The following PGK1 variants were observed in gnomAD, a reference collection of about 807,000 sequenced individuals.
PGK1 encodes phosphoglycerate kinase 1, also known as PRP 2.
In PGK1, 3 loss-of-function variants were observed where a neutral mutation model predicts 26.9. The observed-to-expected ratio is 0.11, with a 90% CI of 0.05 to 0.29. The LOEUF (loss-of-function observed/expected upper bound fraction) is 0.29, where lower values mean the gene tolerates loss of function less well. Among genes scored for constraint, PGK1 ranks in the 10% least tolerant of loss-of-function variants. The probability of loss-of-function intolerance (pLI) is 1.00; values close to 1 mark genes in which losing one functional copy is unlikely to be tolerated. For synonymous variants in PGK1, 125 were observed against 115.3 expected, an observed-to-expected ratio of 1.08 and a Z score of -0.54; for missense variants, 270 against 314.7, an observed-to-expected ratio of 0.86 and a Z score of 1.07.
chrX:78,110,544 A>G (rs782705273), intron 2 of PGK1, among the ~76,000 whole-genome samples: 1 of 109,671 alleles, frequency 9.1e-6, no homozygotes, highest in Non-Finnish European at 1.9e-5. Context: ...AGGCCGAGGC[A>G]GGAGGATTGC....
chrX:78,106,629 T>G (rs1480123890), intron 1 of PGK1: 1 of 751,606 alleles, frequency 1.3e-6, no homozygotes, highest in East Asian at 1.5e-4. Context: ...CTGACTCTTC[T>G]GGTCCACTGG....
In PGK1 at chrX:78,125,764, A is replaced by G. The variant is rs781958739; in HGVS notation, c.1214-26A>G. 7 of 1,165,990 alleles carry G rather than the reference A, an allele frequency of 6.0e-6. No individual in the cohort carries two copies. The Admixed American group carries it at 1.1e-4, about 18-fold the overall frequency. Reference sequence around the variant, plus strand: ...ACTGGGCCCTATAGTAATGCTGTCTATGTATGTGTGCTCTCTCAAAAACAG... The same window carrying G: ...ACTGGGCCCTATAGTAATGCTGTCTGTGTATGTGTGCTCTCTCAAAAACAG... On this transcript the variant is annotated intron_variant, in intron 10 of 10. Coordinates refer to ENST00000373316, the MANE Select transcript of PGK1 (RefSeq NM_000291.4).
chrX:78,125,775 C>A lies in PGK1; in HGVS notation c.1214-15C>A. The A allele has an allele frequency of 8.4e-7, 1 of 1,190,100 alleles. No homozygotes were observed. Among genetic ancestry groups the A allele is most frequent in the African/African-American group, 1.7e-5 (1 of 57,411 alleles). ...TAGTAATGCTGTCTATGTATGTGTG[C>A]TCTCTCAAAAACAGGTAAAGTCCTT... On this transcript the variant is annotated splice_polypyrimidine_tract_variant and intron_variant, in intron 10 of 10. Transcript: ENST00000373316.
At position 78,129,220 on chromosome X, in the gene PGK1, C is replaced by CTATCTATCTATCTATCTATCTAT. The variant is rs1557249062; in HGVS notation, c.*3390_*3391insTATCTATCTATCTATCTATCTAT. 3 of 100,035 alleles carry CTATCTATCTATCTATCTATCTAT rather than the reference C, an allele frequency of 3.0e-5. No individual in the cohort carries two copies. The highest frequency in any genetic ancestry group is 1.1e-4 in the African/African-American group (3 of 26,572). 8.2% of individuals were successfully genotyped at this position (100,035 alleles called of 1,213,427 possible). On this transcript the variant is annotated 3_prime_UTR_variant, in exon 11 of 11. Coordinates refer to ENST00000373316, the MANE Select transcript of PGK1 (RefSeq NM_000291.4). ...CATAAAGAGCATACCCATGTGTGTA[C>CTATCTATCTATCTATCTATCTAT]CTATCTATCTATCTATCTATCTATC...
chrX:78,113,961 T>TA (rs1274851682), intron 3 of PGK1, 55 bp from the exon 4 acceptor site: 4 of 1,203,231 alleles, frequency 3.3e-6, no homozygotes, highest in Admixed American at 4.4e-5. Context: ...AGCACGTTGT[T>TA]ACTGGTTTTT....
intron 8 of PGK1, among the ~76,000 whole-genome samples, chrX:78,123,801 G>T (rs185972463): frequency 0.011 from 1,254 of 110,376 alleles, 17 homozygotes; most frequent in African/African-American, 0.04. Flanking sequence ...TAGAGACGGG[G>T]TTTCACCATG....
chrX:78,120,598 G>A (rs1212320227), intron 6 of PGK1, among the ~76,000 whole-genome samples: 1 of 109,454 alleles, frequency 9.1e-6, no homozygotes, highest in Non-Finnish European at 1.9e-5. Flanking sequence ...AGGCTCAAGC[G>A]ATCCTCCCAC....
intron 1 of PGK1, among the ~76,000 whole-genome samples, chrX:78,109,527 TTAGG>T (rs1227769466): frequency 9.1e-6 from 1 of 110,444 alleles, no homozygotes; most frequent in Non-Finnish European, 1.9e-5. Context: ...GTGATTTAAG[TTAGG>T]TTTTTTTTTT....
intron 1 of PGK1, among the ~76,000 whole-genome samples, chrX:78,107,961 C>CG (rs1207294643): frequency 2.6e-5 from 2 of 77,998 alleles, no homozygotes; most frequent in Admixed American, 1.4e-4. Flanking sequence ...TATAAGGAAA[C>CG]GAAAAAAAAA....
At position 78,127,391 on chromosome X, in the gene PGK1, C is replaced by A. The variant is rs947763758; in HGVS notation, c.*1561C>A. On this transcript the variant is annotated 3_prime_UTR_variant, in exon 11 of 11. Coordinates refer to ENST00000373316, the MANE Select transcript of PGK1 (RefSeq NM_000291.4). Reference sequence around the variant, plus strand: ...TATAATTTTACCTTCCTATTTCTTTCCTGTCCTTTTAATGGAGTTTTGGGA... The same window carrying A: ...TATAATTTTACCTTCCTATTTCTTTACTGTCCTTTTAATGGAGTTTTGGGA... The A allele has an allele frequency of 2.7e-5, 3 of 112,261 alleles. No individual in the cohort carries two copies. The Admixed American group carries it at 2.8e-4, about 11-fold the overall frequency. 9.3% of individuals were successfully genotyped at this position (112,261 alleles called of 1,213,427 possible).
rs2078312155 is a variant in PGK1 at position 78,113,724 on chromosome X, TTG to T, written c.117-18_117-17del. On this transcript the variant is annotated intron_variant, in intron 2 of 10. Coordinates refer to ENST00000373316, the MANE Select transcript of PGK1 (RefSeq NM_000291.4). ...TCTAGGAGTAACTTCATTCTGTTTG[TTG>T]TCTCTCTTTGGTTGCAGGATTAAGG... 8.3e-7 allele frequency: 1 copy of T among 1,201,041 alleles called. No homozygotes were observed.
intron 4 of PGK1, 46 bp from the exon 5 acceptor site, chrX:78,117,266 T>C: frequency 1.1e-6 from 1 of 875,598 alleles, no homozygotes; most frequent in African/African-American, 1.9e-5. Context: ...GCTTTTATAG[T>C]TGTCTTTGGA....
At chrX:78,107,940 C>T (rs782628617) in intron 1 of PGK1, among the ~76,000 whole-genome samples, 55 of 105,930 alleles carry the variant, frequency 5.2e-4, no homozygotes, top group Non-Finnish European at 7.9e-4. Flanking sequence ...TGAAGCAAAG[C>T]TCAGGGGTGT....
At chrX:78,115,109 T>C (rs2078320492) in intron 4 of PGK1, among the ~76,000 whole-genome samples, 1 of 111,402 alleles carries the variant, frequency 9.0e-6, no homozygotes, top group African/African-American at 3.3e-5. Flanking sequence ...TTTGGCATGG[T>C]CTTGCTGCAG....
chrX:78,124,846 C>T (rs1057234314), intron 8 of PGK1, 28 bp from the exon 9 acceptor site: 5 of 1,182,712 alleles, frequency 4.2e-6, no homozygotes, highest in Non-Finnish European at 4.6e-6. Context: ...CTTGATAGCT[C>T]ATCTTCTCTT....
chrX:78,123,805 C>T (rs1447509861), intron 8 of PGK1, among the ~76,000 whole-genome samples: 1 of 110,637 alleles, frequency 9.0e-6, no homozygotes, highest in Non-Finnish European at 1.9e-5. Context: ...GACGGGGTTT[C>T]ACCATGTTGG....
At chrX:78,119,407 T>C (rs782808623) in intron 6 of PGK1, among the ~76,000 whole-genome samples, 1 of 111,282 alleles carries the variant, frequency 9.0e-6, no homozygotes, top group African/African-American at 3.3e-5. Context: ...TCCTGTGACT[T>C]GGTGTGGTGA....
At chrX:78,111,187 C>T (rs925698051) in intron 2 of PGK1, among the ~76,000 whole-genome samples, 2 of 109,556 alleles carry the variant, frequency 1.8e-5, no homozygotes, top group Non-Finnish European at 3.8e-5. Context: ...TGGGCTCAAG[C>T]GATCCTCCCA....
chrX:78,110,214 G>A (rs782352585), intron 2 of PGK1, among the ~76,000 whole-genome samples: 6 of 110,822 alleles, frequency 5.4e-5, no homozygotes, highest in South Asian at 3.9e-4. Context: ...GTGTAGTGGT[G>A]TGATCACGGT....
Sources: gnomAD v4.1 joint callset for allele counts (sites outside exome capture counted in the v4.1 genomes callset) on GRCh38, gnomAD v4.1.1 for gene constraint, MANE v1.5 for transcripts, NCBI Gene and HGNC (gene_info 2026-07-23, HGNC 2026-07-21) for gene names.